SMIM31: variants seen among roughly 807,000 people sequenced by gnomAD.
The protein encoded by SMIM31 is human epithelial cell program regulator.
intron 2 of SMIM31, among the ~76,000 whole-genome samples, chr4:164,784,903 T>TTTTTC (rs1034054761): frequency 1.3e-5 from 2 of 151,596 alleles, no homozygotes; most frequent in African/African-American, 4.8e-5. Flanking sequence ...GTTTGGGTTT[T>TTTTTC]TTTTTTTAAT....
At chr4:164,787,523 G>A (rs1733040707) in intron 2 of SMIM31, 1 of 142,110 alleles carries the variant, frequency 7.0e-6, no homozygotes. Flanking sequence ...TTTTTTCAAA[G>A]TTAAAAATAA....
intron 2 of SMIM31, among the ~76,000 whole-genome samples, chr4:164,788,472 A>ATTTTTTTTTTTTTTTTTTTTTTTTTT (rs1187569698): frequency 1.7e-5 from 1 of 60,506 alleles, no homozygotes; most frequent in African/African-American, 6.5e-5. Context: ...CTTTCTTCTA[A>ATTTTTTTTTTTTTTTTTTTTTTTTTT]TTTTTCTTTT....
intron 1 of SMIM31, among the ~76,000 whole-genome samples, chr4:164,758,485 C>G (rs1732596286): frequency 6.6e-6 from 1 of 152,086 alleles, no homozygotes; most frequent in African/African-American, 2.4e-5. Context: ...GGTGTTAGCT[C>G]TAAGTTTTTC....
intron 2 of SMIM31, among the ~76,000 whole-genome samples, chr4:164,797,054 C>T (rs914577566): frequency 1.3e-5 from 2 of 152,164 alleles, no homozygotes; most frequent in African/African-American, 4.8e-5. Flanking sequence ...GTTCTACTGG[C>T]TGCTGTCATT....
intron 2 of SMIM31, among the ~76,000 whole-genome samples, chr4:164,772,620 C>G (rs1255257717): frequency 6.8e-6 from 1 of 146,858 alleles, no homozygotes; most frequent in Non-Finnish European, 1.5e-5. Flanking sequence ...GCTCTGTCGC[C>G]CAGGCTGGAG....
At chr4:164,766,536 C>A (rs1040922953) in intron 1 of SMIM31, among the ~76,000 whole-genome samples, 1 of 152,098 alleles carries the variant, frequency 6.6e-6, no homozygotes, top group Admixed American at 6.6e-5. Context: ...CGGTGGCTCA[C>A]GTCTGTAATC....
intron 2 of SMIM31, among the ~76,000 whole-genome samples, chr4:164,776,184 A>C (rs1421148620): frequency 6.6e-6 from 1 of 152,120 alleles, no homozygotes; most frequent in African/African-American, 2.4e-5. Flanking sequence ...TTCTTTAATC[A>C]GTCTAACCCA....
chr4:164,767,850 C>T (rs774737649), intron 1 of SMIM31, among the ~76,000 whole-genome samples: 4 of 152,082 alleles, frequency 2.6e-5, no homozygotes, highest in Non-Finnish European at 5.9e-5. Context: ...ATGTCTTTTC[C>T]CCCAGCTTTC....
At chr4:164,762,976 T>G (rs555068188) in intron 1 of SMIM31, among the ~76,000 whole-genome samples, 18 of 152,176 alleles carry the variant, frequency 1.2e-4, no homozygotes, top group Admixed American at 5.2e-4. Flanking sequence ...TTTGGAGATC[T>G]AATATTTTTC....
intron 2 of SMIM31, among the ~76,000 whole-genome samples, chr4:164,782,238 C>T (rs13111870): frequency 0.044 from 6,647 of 151,298 alleles, 484 homozygotes; most frequent in African/African-American, 0.15. Flanking sequence ...TGCAGTGAGC[C>T]GAGACCGCGC....
At chr4:164,767,944 C>G (rs773294490) in intron 1 of SMIM31, among the ~76,000 whole-genome samples, 35 of 152,114 alleles carry the variant, frequency 2.3e-4, no homozygotes, top group Admixed American at 7.9e-4. Context: ...CTAGAAATAA[C>G]TCATCACAGG....
At chr4:164,758,199 G>T (rs1487480704) in intron 1 of SMIM31, among the ~76,000 whole-genome samples, 2 of 151,954 alleles carry the variant, frequency 1.3e-5, no homozygotes, top group African/African-American at 4.8e-5. Flanking sequence ...CCAATATATA[G>T]AAACGCAATT....
chr4:164,765,665 CA>C (rs1732711180), intron 1 of SMIM31, among the ~76,000 whole-genome samples: 1 of 147,202 alleles, frequency 6.8e-6, no homozygotes, highest in Non-Finnish European at 1.5e-5. Context: ...CAGGAAGCAA[CA>C]GAAGTGGCAT....
At chr4:164,784,941 A>G (rs1733008114) in intron 2 of SMIM31, among the ~76,000 whole-genome samples, 1 of 149,510 alleles carries the variant, frequency 6.7e-6, no homozygotes, top group South Asian at 2.1e-4. Flanking sequence ...TAATCTTGTA[A>G]AGCCGGGCGC....
intron 1 of SMIM31, among the ~76,000 whole-genome samples, chr4:164,766,212 T>C (rs1732718812): frequency 1.3e-5 from 2 of 152,176 alleles, no homozygotes; most frequent in South Asian, 4.1e-4. Context: ...ATTTTCAAAA[T>C]ATACTTCTTG....
intron 1 of SMIM31, among the ~76,000 whole-genome samples, chr4:164,759,492 C>G (rs1228627680): frequency 2.0e-5 from 3 of 152,152 alleles, no homozygotes; most frequent in Non-Finnish European, 4.4e-5. Flanking sequence ...AATACAAAAA[C>G]TATATCTGTA....
intron 2 of SMIM31, among the ~76,000 whole-genome samples, chr4:164,790,123 T>C (rs1305568924): frequency 6.6e-6 from 1 of 152,170 alleles, no homozygotes; most frequent in Admixed American, 6.5e-5. Flanking sequence ...ACACACAGCA[T>C]CAGAATTCTT....
intron 2 of SMIM31, among the ~76,000 whole-genome samples, chr4:164,790,401 A>G (rs962112502): frequency 7.2e-5 from 11 of 152,200 alleles, no homozygotes; most frequent in African/African-American, 2.2e-4. Flanking sequence ...ATCACTAATA[A>G]GGTTATCTAA....
At chr4:164,780,270 A>G (rs908425733) in intron 2 of SMIM31, among the ~76,000 whole-genome samples, 5 of 152,190 alleles carry the variant, frequency 3.3e-5, no homozygotes, top group African/African-American at 4.8e-5. Flanking sequence ...TACTAAAAAT[A>G]CAAAAAATTA....
Sources: allele counts gnomAD v4.1 joint callset (sites outside exome capture counted in the v4.1 genomes callset), GRCh38; gene constraint gnomAD v4.1.1; transcripts MANE v1.5; gene names NCBI Gene and HGNC (gene_info 2026-07-23, HGNC 2026-07-21).